The following EEIG2 variants were observed in gnomAD, a reference collection of about 807,000 sequenced individuals.
EEIG2 encodes family with sequence similarity 102 member B.
At chr1:108,577,873 A>G in the EEIG2 span, among the ~76,000 whole-genome samples, 2 of 150,632 alleles carry the variant, frequency 1.3e-5, no homozygotes, top group South Asian at 2.1e-4. Flanking sequence ...GCATTGAATC[A>G]GTAAATTACC....
the EEIG2 span, among the ~76,000 whole-genome samples, chr1:108,599,337 A>G: frequency 6.6e-6 from 1 of 152,286 alleles, no homozygotes; most frequent in East Asian, 1.9e-4. Context: ...CTCCGTAGAT[A>G]TGACTTATTA....
chr1:108,569,661 A>T, the EEIG2 span, among the ~76,000 whole-genome samples: 1 of 152,078 alleles, frequency 6.6e-6, no homozygotes, highest in Non-Finnish European at 1.5e-5. Context: ...TAACTCCAAA[A>T]TTCTATGACT....
At chr1:108,575,222 T>C in the EEIG2 span, among the ~76,000 whole-genome samples, 10 of 152,326 alleles carry the variant, frequency 6.6e-5, no homozygotes, top group Non-Finnish European at 2.9e-5. Context: ...CAAGTCAAAA[T>C]GTTATTAGAG....
chr1:108,635,389 G>T, the EEIG2 span: 1 of 505,688 alleles, frequency 2.0e-6, no homozygotes, highest in Non-Finnish European at 3.6e-6. Flanking sequence ...TGGCTTCTGT[G>T]GTCACTGCAC....
chr1:108,623,832 C>T, the EEIG2 span, among the ~76,000 whole-genome samples: 3 of 152,072 alleles, frequency 2.0e-5, no homozygotes, highest in Non-Finnish European at 2.9e-5. Flanking sequence ...CCACCACACC[C>T]GTCTAATTTT....
At chr1:108,574,187 A>G in the EEIG2 span, among the ~76,000 whole-genome samples, 1 of 152,212 alleles carries the variant, frequency 6.6e-6, no homozygotes, top group African/African-American at 2.4e-5. Context: ...GCCTTAAAAA[A>G]TGAAGGAAAT....
At chr1:108,583,298 C>T in the EEIG2 span, among the ~76,000 whole-genome samples, 2 of 152,004 alleles carry the variant, frequency 1.3e-5, no homozygotes, top group Admixed American at 1.3e-4. Context: ...GTGCACACCA[C>T]CACACCTGCT....
chr1:108,614,708 T>C, the EEIG2 span, among the ~76,000 whole-genome samples: 1 of 152,150 alleles, frequency 6.6e-6, no homozygotes, highest in African/African-American at 2.4e-5. Flanking sequence ...CCCCTTAGAC[T>C]ATCCCCTCTT....
the EEIG2 span, chr1:108,628,620 T>TA: frequency 3.8e-6 from 6 of 1,570,090 alleles, no homozygotes; most frequent in Non-Finnish European, 5.2e-6. Flanking sequence ...TTTTAATTTT[T>TA]AAAAAACTTT....
chr1:108,623,509 A>G, the EEIG2 span, among the ~76,000 whole-genome samples: 2 of 152,158 alleles, frequency 1.3e-5, no homozygotes, highest in African/African-American at 4.8e-5. Context: ...TAAATGAGTA[A>G]AAAATAAAAG....
chr1:108,635,548 G>A, the EEIG2 span: 1 of 164,152 alleles, frequency 6.1e-6, no homozygotes, highest in Non-Finnish European at 1.3e-5. Flanking sequence ...GGTTTTTTTA[G>A]TTTGAGAGAC....
At chr1:108,629,497 A>G in the EEIG2 span, 1 of 931,524 alleles carries the variant, frequency 1.1e-6, no homozygotes. Context: ...TCTAATAAAC[A>G]ATTGTAAAAT....
chr1:108,615,317 T>C, the EEIG2 span, among the ~76,000 whole-genome samples: 2 of 152,218 alleles, frequency 1.3e-5, no homozygotes, highest in African/African-American at 4.8e-5. Flanking sequence ...ACATAGCTTA[T>C]GCCTGGCACA....
At chr1:108,562,628 T>A in the EEIG2 span, among the ~76,000 whole-genome samples, 1 of 152,186 alleles carries the variant, frequency 6.6e-6, no homozygotes, top group Non-Finnish European at 1.5e-5. Context: ...CCAAAACTTC[T>A]GTATGTAAAA....
chr1:108,629,456 A>G, the EEIG2 span: 1 of 588,050 alleles, frequency 1.7e-6, no homozygotes, highest in Non-Finnish European at 3.0e-6. Context: ...TAAAACATGT[A>G]TATAACTTTG....
the EEIG2 span, among the ~76,000 whole-genome samples, chr1:108,570,126 G>T: frequency 6.6e-6 from 1 of 152,200 alleles, no homozygotes; most frequent in Non-Finnish European, 1.5e-5. Context: ...AGGTAGAAAG[G>T]AGAAAGTGTT....
the EEIG2 span, chr1:108,600,500 T>C: frequency 1.3e-6 from 2 of 1,556,446 alleles, no homozygotes; most frequent in Admixed American, 3.5e-5. Context: ...AGTGAAAGTA[T>C]GGGTGTGCTT....
At chr1:108,610,938 G>A in the EEIG2 span, among the ~76,000 whole-genome samples, 2 of 151,880 alleles carry the variant, frequency 1.3e-5, no homozygotes, top group Admixed American at 6.5e-5. Flanking sequence ...GTGACAGAGC[G>A]AGACTCCATC....
the EEIG2 span, among the ~76,000 whole-genome samples, chr1:108,586,999 T>A: frequency 1.3e-5 from 2 of 152,164 alleles, no homozygotes; most frequent in Non-Finnish European, 2.9e-5. Flanking sequence ...TTTTCCTGTT[T>A]CTTAAGATCT....
Sources: gnomAD v4.1 joint callset for allele counts (sites outside exome capture counted in the v4.1 genomes callset) on GRCh38, gnomAD v4.1.1 for gene constraint, MANE v1.5 for transcripts, NCBI Gene and HGNC (gene_info 2026-07-23, HGNC 2026-07-21) for gene names.